Variants in NALCN observed in about 807,000 individuals in gnomAD.
NALCN encodes the protein sodium leak channel NALCN.
NALCN carries 111 observed loss-of-function variants against 225.3 expected under a neutral mutation model. The observed-to-expected ratio is 0.49, with a 90% CI of 0.42 to 0.58. The LOEUF (loss-of-function observed/expected upper bound fraction) is 0.58. Among genes scored for constraint, NALCN ranks in the 20% least tolerant of loss-of-function variants. NALCN has a pLI of 0.00. For missense variants in NALCN, 1,378 were observed against 2,202.4 expected, an observed-to-expected ratio of 0.63 and a Z score of 7.49; for synonymous variants, 764 against 769.0, an observed-to-expected ratio of 0.99 and a Z score of 0.11.
chr13:101,233,030 C>T lies in NALCN; in HGVS notation c.1435-3446G>A, dbSNP rs564040188. ...GATCAGCATTTTCAAAGGGTTAAAC[C>T]TGCATTCCTAGAAAGGAAAAATCCC... On this transcript the variant is annotated intron_variant, in intron 12 of 43. Coordinates refer to ENST00000251127, the MANE Select transcript of NALCN (RefSeq NM_052867.4). Among the ~76,000 whole-genome samples the T allele has an allele frequency of 2.6e-5, 4 of 152,036 alleles. No homozygotes were observed. The South Asian group carries it at 8.3e-4, about 32-fold the overall frequency.
intron 27 of NALCN, among the ~76,000 whole-genome samples, chr13:101,097,014 A>C (rs583880): frequency 0.76 from 115,621 of 151,676 alleles, 44,631 homozygotes; most frequent in African/African-American, 0.87. Flanking sequence ...ATCCCAGCAG[A>C]AGCCCAGCAT....
chr13:101,289,763 A>AT (rs568509590), intron 9 of NALCN, among the ~76,000 whole-genome samples: 50 of 152,270 alleles, frequency 3.3e-4, no homozygotes, highest in African/African-American at 1.1e-3. Flanking sequence ...TTTCCTTCAA[A>AT]TTAGTAACTT....
intron 13 of NALCN, among the ~76,000 whole-genome samples, chr13:101,207,896 T>C (rs1051938465): frequency 2.6e-5 from 4 of 152,238 alleles, no homozygotes; most frequent in African/African-American, 9.6e-5. Context: ...ACTGTCTTTA[T>C]GAGCTGCAAC....
rs1427464930 is a variant in NALCN, at chr13:101,214,436, A to C, written c.1626+14957T>G. 2.6e-5 allele frequency among the ~76,000 whole-genome samples: 4 copies of C among 152,260 alleles called. No homozygotes were observed. In the East Asian group the frequency reaches 7.7e-4, roughly 29 times the overall value. On this transcript the variant is annotated intron_variant, in intron 13 of 43. Transcript: ENST00000251127. ...TTATGCACATGTACCCTAGAACTTA[A>C]AGTATAATTTTTAAAAAAGTCTATC... is the stretch of plus-strand genomic sequence containing the variant.
At chr13:101,371,512 A>T (rs898965558) in intron 6 of NALCN, among the ~76,000 whole-genome samples, 24 of 152,056 alleles carry the variant, frequency 1.6e-4, no homozygotes, top group African/African-American at 4.6e-4. Context: ...TTATTTTTTT[A>T]AAAACTGCCA....
intron 6 of NALCN, among the ~76,000 whole-genome samples, chr13:101,367,546 C>T (rs17486773): frequency 0.2 from 30,355 of 151,904 alleles, 3,170 homozygotes; most frequent in Non-Finnish European, 0.22. Flanking sequence ...ACGTCCCATG[C>T]ATTCTAGGTC....
At chr13:101,065,602 C>T (rs78221048) in intron 39 of NALCN, 41 bp from the exon 40 acceptor site, 141 of 1,586,878 alleles carry the variant, frequency 8.9e-5, no homozygotes, top group Non-Finnish European at 1.2e-4. Flanking sequence ...CATCAGGCCT[C>T]GATGATTCAC....
intron 13 of NALCN, among the ~76,000 whole-genome samples, chr13:101,208,425 T>G (rs1435469807): frequency 6.6e-6 from 1 of 152,234 alleles, no homozygotes; most frequent in Non-Finnish European, 1.5e-5. Context: ...GCTTCATTCT[T>G]GAAGTCAGCA....
In NALCN at chr13:101,059,953, C is replaced by T. The variant is rs765239452; in HGVS notation, c.4770G>A (p.Ser1590=). ...CTCTCAGGCTGTGGATGATACTGCA[C>T]GACTGCTGCTGTTTCTATGGAAATG... ...LKRIRAKQQQ[S]CSIIHSLRES... The change falls in exon 42 of 44, where the codon TCG becomes TCA. Residue 1590 remains serine, a synonymous_variant. Transcript: ENST00000251127. 2.2e-5 allele frequency: 35 copies of T among 1,613,776 alleles called. No homozygotes were observed. The highest frequency in any genetic ancestry group is 3.3e-5 in the Admixed American group (2 of 59,980).
In NALCN at chr13:101,346,087, C is replaced by CTCTCTCTCTATATATA; in HGVS notation, c.645-668_645-667insTATATATAGAGAGAGA. Among the ~76,000 whole-genome samples the CTCTCTCTCTATATATA allele has an allele frequency of 2.5e-3, 175 of 70,928 alleles. 1 individual carries two copies. The highest frequency in any genetic ancestry group is 4.0e-3 in the African/African-American group (71 of 17,798). 46.5% of individuals were successfully genotyped at this position (70,928 alleles called of 152,430 possible). ...TCTCTCTCTCTCTCTCTCTCTCTCTCTATATATATATATATATATATATAT... is the reference window on the plus strand; with the variant it reads ...TCTCTCTCTCTCTCTCTCTCTCTCTCTCTCTCTCTATATATATATATATATATATATATATATATAT... On this transcript the variant is annotated intron_variant, in intron 6 of 43. Transcript: ENST00000251127.
At chr13:101,209,418 T>C (rs1407849372) in intron 13 of NALCN, among the ~76,000 whole-genome samples, 1 of 152,158 alleles carries the variant, frequency 6.6e-6, no homozygotes, top group East Asian at 1.9e-4. Context: ...TCACGCTTGG[T>C]CCGGGATTCT....
chr13:101,290,547 A>G (rs1487149897), intron 9 of NALCN, among the ~76,000 whole-genome samples: 1 of 152,234 alleles, frequency 6.6e-6, no homozygotes, highest in Non-Finnish European at 1.5e-5. Context: ...TGGATAGCAT[A>G]TTCAAAAAAC....
chr13:101,074,710 GAGAC>G (rs760048524), intron 35 of NALCN, 48 bp from the exon 36 acceptor site: 2,868 of 1,410,156 alleles, frequency 2.0e-3, no homozygotes, highest in Non-Finnish European at 2.2e-3. Context: ...GAGAGAGAGA[GAGAC>G]AGAGACAGAG....
chr13:101,408,575 G>A (rs776802978), intron 1 of NALCN, among the ~76,000 whole-genome samples: 4 of 152,192 alleles, frequency 2.6e-5, no homozygotes, highest in Non-Finnish European at 4.4e-5. Context: ...GCCCCTGCAG[G>A]TAGTGGATTG....
chr13:101,240,465 TC>T (rs1288244686), intron 11 of NALCN, among the ~76,000 whole-genome samples: 7 of 152,038 alleles, frequency 4.6e-5, no homozygotes, highest in African/African-American at 7.2e-5. Flanking sequence ...TTTACTAGAT[TC>T]TTCTATTAAT....
intron 30 of NALCN, among the ~76,000 whole-genome samples, chr13:101,088,447 G>T (rs2034040040): frequency 6.6e-6 from 1 of 152,182 alleles, no homozygotes; most frequent in African/African-American, 2.4e-5. Flanking sequence ...AGTGAAGGTT[G>T]ACTTTATTCT....
chr13:101,214,511 T>A (rs1225200316), intron 13 of NALCN, among the ~76,000 whole-genome samples: 12 of 152,184 alleles, frequency 7.9e-5, no homozygotes, highest in Admixed American at 5.9e-4. Context: ...AATTTATTAG[T>A]GAACCTCAGT....
intron 15 of NALCN, among the ~76,000 whole-genome samples, chr13:101,158,678 A>C (rs1421853445): frequency 6.6e-6 from 1 of 152,196 alleles, no homozygotes; most frequent in East Asian, 1.9e-4. Flanking sequence ...GCTTGCTGTA[A>C]TCTAGTGGCT....
chr13:101,401,392 T>G (rs1339400850), intron 1 of NALCN, among the ~76,000 whole-genome samples: 1 of 152,042 alleles, frequency 6.6e-6, no homozygotes, highest in Non-Finnish European at 1.5e-5. Flanking sequence ...AAATACTGAG[T>G]GTAGATACAA....
Sources: gnomAD v4.1 joint callset for allele counts (sites outside exome capture counted in the v4.1 genomes callset) on GRCh38, gnomAD v4.1.1 for gene constraint, MANE v1.5 for transcripts, NCBI Gene and HGNC (gene_info 2026-07-23, HGNC 2026-07-21) for gene names.